PLCB4: variants seen among roughly 807,000 people sequenced by gnomAD.
PLCB4 encodes the protein 1-phosphatidylinositol 4,5-bisphosphate phosphodiesterase beta-4.
In PLCB4, 77 loss-of-function variants were observed where a neutral mutation model predicts 178.8. That is an observed-to-expected ratio of 0.43 (90% confidence interval 0.36 to 0.52). The LOEUF (loss-of-function observed/expected upper bound fraction) is 0.52. Ranked by LOEUF, PLCB4 falls within the 20% of genes least tolerant of loss-of-function variation. PLCB4 has a pLI of 0.00. For synonymous variants in PLCB4, 496 were observed against 490.8 expected (o/e 1.01, Z -0.14); for missense variants, 1,024 against 1,453.4 (o/e 0.70, Z 4.80).
chr20:9,256,147 A>G (rs993369424), intron 3 of PLCB4, among the ~76,000 whole-genome samples: 5 of 152,164 alleles, frequency 3.3e-5, no homozygotes, highest in African/African-American at 1.2e-4. Flanking sequence ...TGCGTTAATC[A>G]GGAATGAGTT....
At chr20:9,412,880 C>T (rs1449716418) in intron 25 of PLCB4, among the ~76,000 whole-genome samples, 1 of 152,202 alleles carries the variant, frequency 6.6e-6, no homozygotes, top group Non-Finnish European at 1.5e-5. Flanking sequence ...CTCCCTACCC[C>T]TTTGAATAAA....
At chr20:9,207,906 T>A (rs2147224224) in intron 2 of PLCB4, among the ~76,000 whole-genome samples, 1 of 152,350 alleles carries the variant, frequency 6.6e-6, no homozygotes, top group South Asian at 2.1e-4. Context: ...ACTTGTATTA[T>A]TTTCTTTTTT....
intron 3 of PLCB4, among the ~76,000 whole-genome samples, chr20:9,245,707 C>T (rs2094117716): frequency 6.7e-6 from 1 of 149,942 alleles, no homozygotes; most frequent in Non-Finnish European, 1.5e-5. Context: ...TTTTGGTCTA[C>T]AGAACCAAGA....
intron 3 of PLCB4, among the ~76,000 whole-genome samples, chr20:9,253,808 CA>C (rs2094206164): frequency 6.6e-6 from 1 of 152,170 alleles, no homozygotes; most frequent in Non-Finnish European, 1.5e-5. Context: ...GCACATACCT[CA>C]AAACATAGGC....
chr20:9,442,849 G>T (rs1349889648), intron 30 of PLCB4, among the ~76,000 whole-genome samples: 2 of 152,164 alleles, frequency 1.3e-5, no homozygotes, highest in African/African-American at 4.8e-5. Context: ...TCCTTCTGCG[G>T]CCTGACCACC....
At chr20:9,351,499 A>T (rs2034338473) in intron 7 of PLCB4, among the ~76,000 whole-genome samples, 1 of 152,078 alleles carries the variant, frequency 6.6e-6, no homozygotes, top group Non-Finnish European at 1.5e-5. Flanking sequence ...TAATCTAAGG[A>T]TTCATTTATT....
intron 2 of PLCB4, among the ~76,000 whole-genome samples, chr20:9,181,341 T>C (rs1418175906): frequency 1.3e-5 from 2 of 152,176 alleles, no homozygotes; most frequent in African/African-American, 4.8e-5. Context: ...GTTAAAGGTG[T>C]ATCTGAAAGT....
intron 19 of PLCB4, among the ~76,000 whole-genome samples, chr20:9,398,312 G>C (rs1294921526): frequency 6.6e-6 from 1 of 152,148 alleles, no homozygotes; most frequent in Non-Finnish European, 1.5e-5. Context: ...TGATACGGCA[G>C]CTGTCTTTGG....
chr20:9,394,636 G>T (rs576745301), intron 18 of PLCB4, among the ~76,000 whole-genome samples: 1 of 152,216 alleles, frequency 6.6e-6, no homozygotes, highest in African/African-American at 2.4e-5. Flanking sequence ...CGAGTCCCAA[G>T]TTGATGGATT....
intron 3 of PLCB4, among the ~76,000 whole-genome samples, chr20:9,260,126 T>G (rs2094282384): frequency 6.6e-6 from 1 of 152,088 alleles, no homozygotes. Context: ...TTTATATGTT[T>G]TAGAAAATTT....
chr20:9,399,046 A>T (rs894400866), intron 19 of PLCB4, among the ~76,000 whole-genome samples: 1 of 152,194 alleles, frequency 6.6e-6, no homozygotes. Context: ...CAAAGATGTG[A>T]TGTTTCCTAA....
chr20:9,300,257 A>G (rs535702962), intron 3 of PLCB4, among the ~76,000 whole-genome samples: 1 of 152,300 alleles, frequency 6.6e-6, no homozygotes, highest in African/African-American at 2.4e-5. Context: ...TGGTTGTGCC[A>G]TCATGAGGTC....
chr20:9,420,016 C>T, intron 26 of PLCB4, 107 bp downstream of exon 26: 2 of 623,690 alleles, frequency 3.2e-6, no homozygotes, highest in South Asian at 3.0e-5. Context: ...GTGCTGCTCA[C>T]AACTTTGACT....
At chr20:9,423,705 C>A in intron 27 of PLCB4, 43 bp from the exon 28 acceptor site, 1 of 1,470,478 alleles carries the variant, frequency 6.8e-7, no homozygotes, top group Non-Finnish European at 9.5e-7. Flanking sequence ...GGTTCTTGGG[C>A]GCTGCATTGG....
intron 3 of PLCB4, among the ~76,000 whole-genome samples, chr20:9,300,537 A>T (rs2094690531): frequency 6.6e-6 from 1 of 152,178 alleles, no homozygotes; most frequent in Non-Finnish European, 1.5e-5. Context: ...GCAGGATTTG[A>T]AGTTTGTATT....
chr20:9,237,475 A>G (rs1331763324), intron 3 of PLCB4, among the ~76,000 whole-genome samples: 1 of 152,208 alleles, frequency 6.6e-6, no homozygotes, highest in Non-Finnish European at 1.5e-5. Context: ...GGTATTGTCC[A>G]AGGACCAGCA....
chr20:9,085,292 A>G (rs772615569), intron 1 of PLCB4, among the ~76,000 whole-genome samples: 1 of 152,164 alleles, frequency 6.6e-6, no homozygotes, highest in Non-Finnish European at 1.5e-5. Flanking sequence ...GTCACATGAA[A>G]TGACCACTGG....
chr20:9,091,383 T>G (rs569191486), intron 1 of PLCB4, among the ~76,000 whole-genome samples: 1 of 152,236 alleles, frequency 6.6e-6, no homozygotes, highest in Non-Finnish European at 1.5e-5. Flanking sequence ...ACCTGGCTTA[T>G]GTTTTTGGCC....
intron 19 of PLCB4, among the ~76,000 whole-genome samples, chr20:9,396,249 A>G (rs1052309964): frequency 3.3e-5 from 5 of 152,224 alleles, no homozygotes; most frequent in Non-Finnish European, 7.3e-5. Context: ...ATCCCTTTGT[A>G]TAGACAAAAA....
Sources: allele counts gnomAD v4.1 joint callset (sites outside exome capture counted in the v4.1 genomes callset), GRCh38; gene constraint gnomAD v4.1.1; transcripts MANE v1.5; gene names NCBI Gene and HGNC (gene_info 2026-07-23, HGNC 2026-07-21).